The following PARD3B variants were observed in gnomAD, a reference collection of about 807,000 sequenced individuals.
PARD3B encodes the protein par-3 family cell polarity regulator beta.
Under a neutral mutation model 130.2 loss-of-function variants are expected in PARD3B, and 103 were observed. The ratio of observed to expected loss-of-function variants is 0.79; its 90% CI spans 0.67 to 0.93. The LOEUF (loss-of-function observed/expected upper bound fraction) is 0.93. Ranked by LOEUF, PARD3B falls within the 40% of genes least tolerant of loss-of-function variation. The probability of loss-of-function intolerance (pLI) is 0.00; values close to 1 mark genes in which losing one functional copy is unlikely to be tolerated. For synonymous variants in PARD3B, 583 were observed against 553.2 expected (o/e 1.05, Z -0.76); for missense variants, 1,609 against 1,499.2 (o/e 1.07, Z -1.21).
At chr2:205,266,716 A>T (rs546769571) in intron 16 of PARD3B, among the ~76,000 whole-genome samples, 3 of 152,248 alleles carry the variant, frequency 2.0e-5, no homozygotes, top group South Asian at 4.1e-4. Context: ...ACTAGATTTG[A>T]ACTACTGATT....
At chr2:205,307,567 G>T (rs904879702) in intron 18 of PARD3B, among the ~76,000 whole-genome samples, 1 of 152,174 alleles carries the variant, frequency 6.6e-6, no homozygotes, top group African/African-American at 2.4e-5. Context: ...GCCAAAGGGT[G>T]AAGCTCCAGC....
Position 204,943,162 on chromosome 2 carries a change from G to A in PARD3B, c.223-21990G>A, listed in dbSNP as rs974523290. Among the ~76,000 whole-genome samples, 4 of 152,130 alleles carry A rather than the reference G, an allele frequency of 2.6e-5. No homozygotes were observed. The highest frequency in any genetic ancestry group is 5.9e-5 in the Non-Finnish European group (4 of 68,028). Reference sequence around the variant, plus strand: ...ACATTCTTAATGTGTGTATGTGTGTGTGTGTATGTGTATGCATATATATAT... The same window carrying A: ...ACATTCTTAATGTGTGTATGTGTGTATGTGTATGTGTATGCATATATATAT... On this transcript the variant is annotated intron_variant, in intron 2 of 22. Transcript: ENST00000406610. The surrounding 1 kb of genome is among the most constrained non-coding windows in gnomAD (Gnocchi z 4.2).
intron 15 of PARD3B, among the ~76,000 whole-genome samples, chr2:205,224,892 C>CTT (rs1180011911): frequency 2.6e-5 from 4 of 151,938 alleles, no homozygotes; most frequent in Non-Finnish European, 5.9e-5. Context: ...ATGCTTGAAA[C>CTT]TTTCTTTTAT....
intron 2 of PARD3B, among the ~76,000 whole-genome samples, chr2:204,688,601 G>GA (rs1036955517): frequency 1.4e-5 from 2 of 147,542 alleles, no homozygotes; most frequent in Non-Finnish European, 1.5e-5. Context: ...AAAAAAAGGT[G>GA]AAAAAAAGAA....
At chr2:205,546,560 A>C (rs1290509150) in intron 21 of PARD3B, among the ~76,000 whole-genome samples, 1 of 152,200 alleles carries the variant, frequency 6.6e-6, no homozygotes, top group Non-Finnish European at 1.5e-5. Context: ...CTTGTTGAGC[A>C]CAGAGAAAAA....
chr2:204,927,798 G>C (rs932189668), intron 2 of PARD3B, among the ~76,000 whole-genome samples: 1 of 152,058 alleles, frequency 6.6e-6, no homozygotes, highest in Admixed American at 6.6e-5. Flanking sequence ...AGTATTAGCA[G>C]AGCATTTAGA....
At chr2:205,491,048 C>T (rs1403831784) in intron 20 of PARD3B, among the ~76,000 whole-genome samples, 2 of 152,112 alleles carry the variant, frequency 1.3e-5, no homozygotes, top group Admixed American at 6.6e-5. Flanking sequence ...TCCTCCCATT[C>T]TGTAGGTTGC....
intron 19 of PARD3B, among the ~76,000 whole-genome samples, chr2:205,428,460 G>C (rs1226864718): frequency 1.3e-5 from 2 of 152,172 alleles, no homozygotes; most frequent in Admixed American, 1.3e-4. Context: ...CAAGAAGTCA[G>C]CAATCCATCC....
At chr2:204,716,201 CTGGTTGCTAT>C (rs1373190442) in intron 2 of PARD3B, among the ~76,000 whole-genome samples, 1 of 152,080 alleles carries the variant, frequency 6.6e-6, no homozygotes, top group African/African-American at 2.4e-5. Flanking sequence ...AGTCTCCAGT[CTGGTTGCTAT>C]TGGTCCACTT....
chr2:205,373,804 C>G (rs1322455245), intron 18 of PARD3B, among the ~76,000 whole-genome samples: 2 of 152,086 alleles, frequency 1.3e-5, no homozygotes, highest in Admixed American at 1.3e-4. Context: ...TCCATGTGAC[C>G]ACAGGGATGG....
chr2:205,540,799 C>G (rs190011737), intron 21 of PARD3B, among the ~76,000 whole-genome samples: 1 of 152,288 alleles, frequency 6.6e-6, no homozygotes, highest in East Asian at 1.9e-4. Context: ...ATGCATTATT[C>G]TTCAACAATC....
chr2:204,647,988 T>G (rs2035332034), intron 1 of PARD3B, among the ~76,000 whole-genome samples: 1 of 151,534 alleles, frequency 6.6e-6, no homozygotes, highest in Non-Finnish European at 1.5e-5. Flanking sequence ...AATTATACTT[T>G]TTAAAGGTTA....
intron 10 of PARD3B, among the ~76,000 whole-genome samples, chr2:205,147,112 A>G (rs141299725): frequency 3.5e-4 from 53 of 152,380 alleles, no homozygotes; most frequent in East Asian, 1.7e-3. Context: ...AACAGAAAGA[A>G]GTAAAAACAA....
rs1553681141 is a variant in PARD3B at position 205,344,194 on chromosome 2, T to TTGTGTGTGTGTG, written c.2630+42515_2630+42526dup. The stretch of plus-strand genomic sequence containing the variant: ...GAAGGTGGGAAATGTGTCAGTTGGT[T>TTGTGTGTGTGTG]TGTGTGTGTGTGTGTGTGTGTGTGT... On this transcript the variant is annotated intron_variant, in intron 18 of 22. Coordinates refer to ENST00000406610, the MANE Select transcript of PARD3B (RefSeq NM_001302769.2). Among the ~76,000 whole-genome samples, 795 of 141,002 alleles carry TTGTGTGTGTGTG rather than the reference T, an allele frequency of 5.6e-3. 8 individuals are homozygous for TTGTGTGTGTGTG. The highest frequency in any genetic ancestry group is 0.019 in the African/African-American group (734 of 38,558). The allele number at this position is 141,002 out of a possible 152,430, so 92.5% of individuals were successfully genotyped here. A position where few individuals can be genotyped will look rare whatever the true frequency, so the allele number is the denominator to read the frequency against.
chr2:205,384,200 C>A (rs1350156559), intron 18 of PARD3B, among the ~76,000 whole-genome samples: 2 of 152,038 alleles, frequency 1.3e-5, no homozygotes, highest in Admixed American at 6.6e-5. Flanking sequence ...AATCTGCAAG[C>A]CTTATAATAG....
At chr2:204,551,588 A>G (rs989312500) in intron 1 of PARD3B, among the ~76,000 whole-genome samples, 1 of 152,070 alleles carries the variant, frequency 6.6e-6, no homozygotes, top group African/African-American at 2.4e-5. Context: ...ACATCCCCAC[A>G]CACCCTCTGT....
chr2:204,690,696 A>G (rs1405210462), intron 2 of PARD3B, among the ~76,000 whole-genome samples: 1 of 152,182 alleles, frequency 6.6e-6, no homozygotes, highest in African/African-American at 2.4e-5. Flanking sequence ...TAACTGTCAG[A>G]TAATAAATTT....
chr2:205,331,481 C>T (rs1388343515), intron 18 of PARD3B, among the ~76,000 whole-genome samples: 1 of 151,968 alleles, frequency 6.6e-6, no homozygotes, highest in East Asian at 1.9e-4. Context: ...CTTTTCTGTT[C>T]TTAGAAAAGC....
chr2:204,869,015 C>G (rs1394032050), intron 2 of PARD3B, among the ~76,000 whole-genome samples: 1 of 152,124 alleles, frequency 6.6e-6, no homozygotes, highest in Non-Finnish European at 1.5e-5. Flanking sequence ...ATGAGATATT[C>G]CCTGTATCTG....
Sources: gnomAD v4.1 joint callset for allele counts (sites outside exome capture counted in the v4.1 genomes callset) on GRCh38, gnomAD v4.1.1 for gene constraint, Gnocchi (gnomAD v3.1) non-coding constraint, MANE v1.5 for transcripts, NCBI Gene and HGNC (gene_info 2026-07-23, HGNC 2026-07-21) for gene names.